CAPZA2: variants seen among roughly 807,000 people sequenced by gnomAD.
CAPZA2 encodes the protein F-actin-capping protein subunit alpha-2.
A neutral mutation model predicts 44.0 loss-of-function variants in CAPZA2; 13 were observed. That is an observed-to-expected ratio of 0.30 (90% CI 0.19 to 0.47). The LOEUF (loss-of-function observed/expected upper bound fraction) is 0.47. Among genes scored for constraint, CAPZA2 ranks in the 20% least tolerant of loss-of-function variants. CAPZA2 has a pLI of 1.00. For missense variants in CAPZA2, 244 were observed against 338.6 expected, an observed-to-expected ratio of 0.72 and a Z score of 2.19; for synonymous variants, 94 against 108.2, an observed-to-expected ratio of 0.87 and a Z score of 0.81.
intron 4 of CAPZA2, among the ~76,000 whole-genome samples, chr7:116,902,641 C>T (rs950710749): frequency 6.6e-6 from 1 of 152,080 alleles, no homozygotes; most frequent in African/African-American, 2.4e-5. Context: ...TCCCTACCAC[C>T]ACTGCTTGGG....
At chr7:116,876,295 G>C (rs1796621339) in intron 1 of CAPZA2, 1 of 151,792 alleles carries the variant, frequency 6.6e-6, no homozygotes, top group South Asian at 2.1e-4. Context: ...GGTTTGACTG[G>C]CTCCTGAATT....
rs1434691118 is a variant in CAPZA2, at chr7:116,921,459, G to A, written c.*3592G>A. 1 of 152,080 alleles carries A rather than the reference G, an allele frequency of 6.6e-6. No homozygotes were observed. Among genetic ancestry groups the A allele is most frequent in the Non-Finnish European group, 1.5e-5 (1 of 68,094 alleles). 9.4% of individuals were successfully genotyped at this position (152,080 alleles called of 1,614,324 possible). A position where few individuals can be genotyped will look rare whatever the true frequency, so the allele number is the denominator to read the frequency against. On this transcript the variant is annotated 3_prime_UTR_variant, in exon 10 of 10. Transcript: ENST00000361183. ...GCACTTTGGGAGGCCACGGCAAGTGGATCATTTAAGGTCAGGAGTTCAAGA... is the reference window on the plus strand; with the variant it reads ...GCACTTTGGGAGGCCACGGCAAGTGAATCATTTAAGGTCAGGAGTTCAAGA...
chr7:116,917,723 A>G lies in CAPZA2; in HGVS notation c.721-4A>G. The G allele has an allele frequency of 1.9e-6, 3 of 1,596,150 alleles. No homozygotes were observed. The highest frequency in any genetic ancestry group is 2.2e-5 in the East Asian group (1 of 44,784). On this transcript the variant is annotated splice_region_variant and splice_polypyrimidine_tract_variant and intron_variant, in intron 9 of 9. Coordinates refer to ENST00000361183, the MANE Select transcript of CAPZA2 (RefSeq NM_006136.3). ...TTTAAACTTCTAACTATTGTTTTTC[A>G]TAGACTGCCATCAGTGAGAATTATC...
intron 1 of CAPZA2, among the ~76,000 whole-genome samples, chr7:116,872,881 A>C (rs1796570022): frequency 6.6e-6 from 1 of 152,210 alleles, no homozygotes. Flanking sequence ...GAAGTCCCTT[A>C]GGGCATGGGT....
intron 1 of CAPZA2, among the ~76,000 whole-genome samples, chr7:116,883,129 C>T (rs1486732812): frequency 1.3e-5 from 2 of 152,130 alleles, no homozygotes; most frequent in Non-Finnish European, 2.9e-5. Flanking sequence ...TCTAATAACT[C>T]ACTAGATTCT....
chr7:116,904,732 A>G (rs1476028880), intron 5 of CAPZA2: 1 of 172,356 alleles, frequency 5.8e-6, no homozygotes, highest in Non-Finnish European at 1.2e-5. Flanking sequence ...TCTTAGAACA[A>G]ATAAAATTAC....
intron 1 of CAPZA2, among the ~76,000 whole-genome samples, chr7:116,887,192 AT>A (rs563343418): frequency 4.6e-5 from 7 of 151,022 alleles, no homozygotes; most frequent in African/African-American, 1.7e-4. Flanking sequence ...TTTGTCATTG[AT>A]TTTTTTTTCA....
intron 5 of CAPZA2, 144 bp from the exon 6 acceptor site, chr7:116,906,119 C>A: frequency 2.5e-6 from 3 of 1,208,284 alleles, no homozygotes; most frequent in Non-Finnish European, 3.3e-6. Flanking sequence ...GTTTTTCTAG[C>A]TACTATATTG....
At chr7:116,914,189 G>A (rs936484308) in intron 8 of CAPZA2, among the ~76,000 whole-genome samples, 3 of 150,694 alleles carry the variant, frequency 2.0e-5, no homozygotes, top group Admixed American at 6.6e-5. Context: ...TACCACACCC[G>A]GCTAATTTTT....
intron 1 of CAPZA2, among the ~76,000 whole-genome samples, chr7:116,868,559 C>G (rs139493650): frequency 0.019 from 2,944 of 152,214 alleles, 84 homozygotes; most frequent in East Asian, 0.1. Context: ...ATGGTGAAAC[C>G]CTGTCTGTAC....
At chr7:116,880,265 A>G in intron 1 of CAPZA2, 1 of 345,668 alleles carries the variant, frequency 2.9e-6, no homozygotes, top group Non-Finnish European at 5.6e-6. Flanking sequence ...GTTGGTTCAA[A>G]TAATTGTAAA....
chr7:116,887,434 A>G (rs752892767), intron 1 of CAPZA2, among the ~76,000 whole-genome samples: 2 of 152,102 alleles, frequency 1.3e-5, no homozygotes, highest in Non-Finnish European at 2.9e-5. Flanking sequence ...AGGCGGAGGT[A>G]GGAGGATGGC....
intron 1 of CAPZA2, among the ~76,000 whole-genome samples, chr7:116,877,134 C>G (rs2115888107): frequency 6.6e-6 from 1 of 152,288 alleles, no homozygotes; most frequent in Admixed American, 6.5e-5. Flanking sequence ...CCTGTTTTCC[C>G]TAAGTGTCAA....
At chr7:116,896,813 G>A (rs1048030802) in intron 3 of CAPZA2, among the ~76,000 whole-genome samples, 3 of 151,990 alleles carry the variant, frequency 2.0e-5, no homozygotes, top group Admixed American at 6.6e-5. Flanking sequence ...AATGATGAGT[G>A]GGTGCATGAA....
intron 2 of CAPZA2, among the ~76,000 whole-genome samples, chr7:116,889,819 A>G (rs1484599728): frequency 6.6e-6 from 1 of 152,210 alleles, no homozygotes; most frequent in African/African-American, 2.4e-5. Flanking sequence ...CCAGAAATTA[A>G]AATCTGCTGT....
At chr7:116,897,312 G>A (rs1163516005) in intron 3 of CAPZA2, among the ~76,000 whole-genome samples, 3 of 152,096 alleles carry the variant, frequency 2.0e-5, no homozygotes, top group Non-Finnish European at 2.9e-5. Context: ...TACAGTTTTC[G>A]TGAATTAGGA....
At chr7:116,914,833 C>G (rs1431031209) in intron 8 of CAPZA2, among the ~76,000 whole-genome samples, 1 of 152,154 alleles carries the variant, frequency 6.6e-6, no homozygotes, top group East Asian at 1.9e-4. Context: ...ACTCTCCTTG[C>G]AAAATTTGCC....
At chr7:116,874,787 C>G (rs1009143265) in intron 1 of CAPZA2, 14 of 152,228 alleles carry the variant, frequency 9.2e-5, no homozygotes, top group Admixed American at 4.6e-4. Flanking sequence ...GGGGAATTCT[C>G]TCTAAGAATA....
intron 1 of CAPZA2, among the ~76,000 whole-genome samples, chr7:116,869,671 T>C (rs1195427129): frequency 6.6e-6 from 1 of 152,208 alleles, no homozygotes; most frequent in Non-Finnish European, 1.5e-5. Context: ...TCCTAAAATC[T>C]CAGCACAAGG....
Sources: gnomAD v4.1 joint callset for allele counts (sites outside exome capture counted in the v4.1 genomes callset) on GRCh38, gnomAD v4.1.1 for gene constraint, MANE v1.5 for transcripts, NCBI Gene and HGNC (gene_info 2026-07-23, HGNC 2026-07-21) for gene names.